The following RNF34 variants were observed in gnomAD, a reference collection of about 807,000 sequenced individuals.
RNF34 encodes the protein E3 ubiquitin-protein ligase RNF34.
Under a neutral mutation model 37.9 loss-of-function variants are expected in RNF34, and 12 were observed. That is an observed-to-expected ratio of 0.32 (90% confidence interval 0.20 to 0.51). The LOEUF (loss-of-function observed/expected upper bound fraction) is 0.51, where lower values mean the gene tolerates loss of function less well. Among genes scored for constraint, RNF34 ranks in the 20% least tolerant of loss-of-function variants. RNF34 has a pLI of 0.97. For missense variants in RNF34, 362 were observed against 472.7 expected (o/e 0.77, Z 2.17); for synonymous variants, 155 against 177.2 (o/e 0.87, Z 1.00).
intron 5 of RNF34, 50 bp downstream of exon 5, chr12:121,420,828 T>A: frequency 7.1e-7 from 1 of 1,411,206 alleles, no homozygotes; most frequent in Non-Finnish European, 1.0e-6. Context: ...CTTAGGCTTT[T>A]AAAAACTGGG....
At chr12:121,418,994 G>A (rs1341872814) in intron 3 of RNF34, among the ~76,000 whole-genome samples, 3 of 152,126 alleles carry the variant, frequency 2.0e-5, no homozygotes, top group Admixed American at 6.5e-5. Flanking sequence ...TGAGCCAACC[G>A]CGCCTGGCCA....
At chr12:121,403,148 G>A (rs996175777) in intron 1 of RNF34, among the ~76,000 whole-genome samples, 2 of 152,188 alleles carry the variant, frequency 1.3e-5, no homozygotes, top group Non-Finnish European at 2.9e-5. Context: ...TGTAGTCCCA[G>A]CACTTTGGGA....
At chr12:121,409,487 A>T (rs1870845109) in intron 1 of RNF34, 3 of 152,354 alleles carry the variant, frequency 2.0e-5, no homozygotes, top group Admixed American at 2.0e-4. Flanking sequence ...CCCAGCTGAA[A>T]CAGTGTAGGC....
At chr12:121,413,270 ACCTT>A (rs1259087190) in intron 1 of RNF34, among the ~76,000 whole-genome samples, 2 of 144,474 alleles carry the variant, frequency 1.4e-5, no homozygotes, top group Admixed American at 6.8e-5. Flanking sequence ...CAGGAGATCC[ACCTT>A]CCTTGGCCTC....
rs1555283065 is a variant in RNF34, at chr12:121,420,304, T to G, written c.696T>G (p.Asp232Glu). The change falls in exon 4 of 6, where the codon GAT (aspartate) becomes GAG (glutamate). Residue 232 changes from aspartate (D) to glutamate (E), a missense_variant. Coordinates refer to ENST00000361234, the MANE Select transcript of RNF34 (RefSeq NM_025126.4). ...EDDDDDDDEDDDDEEENAEDR... is the reference protein window; with the variant it reads ...EDDDDDDDEDEDDEEENAEDR... The stretch of plus-strand genomic sequence containing the variant: ...ATGATGACGACGATGATGAGGATGA[T>G]GATGATGAAGAAGAAAACGCAGAGG... The G allele has an allele frequency of 2.5e-6, 4 of 1,583,602 alleles. No individual in the cohort carries two copies. The South Asian group carries it at 3.4e-5, about 14-fold the overall frequency.
At chr12:121,421,250 A>G (rs1432694847) in intron 5 of RNF34, among the ~76,000 whole-genome samples, 1 of 151,886 alleles carries the variant, frequency 6.6e-6, no homozygotes, top group African/African-American at 2.4e-5. Flanking sequence ...AGAACTTCTG[A>G]ACTAGGCTGG....
chr12:121,406,003 C>A (rs1214597861), intron 1 of RNF34, among the ~76,000 whole-genome samples: 5 of 151,028 alleles, frequency 3.3e-5, no homozygotes, highest in Non-Finnish European at 7.4e-5. Context: ...CCATGTTAGC[C>A]AGGATGGTCT....
At position 121,400,232 on chromosome 12, in the gene RNF34, G is replaced by A; in HGVS notation, c.6+14G>A. 2 of 1,608,518 alleles carry A rather than the reference G, an allele frequency of 1.2e-6. No individual in the cohort carries two copies. Among genetic ancestry groups the A allele is most frequent in the Non-Finnish European group, 8.5e-7 (1 of 1,178,490 alleles). ...GCGGCCATGAAGGTGAGGGGCCGGT[G>A]GAGCCGGACAGACCCTCCTCGCCAA... On this transcript the variant is annotated intron_variant, in intron 1 of 5. Transcript: ENST00000361234.
Position 121,416,140 on chromosome 12 carries a change from G to T in RNF34, c.7-19G>T, listed in dbSNP as rs781851364. On this transcript the variant is annotated intron_variant, in intron 1 of 5. Transcript: ENST00000361234. The stretch of plus-strand genomic sequence containing the variant: ...GATTCCACTTAGCTTTAAACTGTGG[G>T]ATTTGTGTTCCTTTTTAGGCGGGTG... The T allele has an allele frequency of 2.7e-5, 44 of 1,606,714 alleles. No individual in the cohort carries two copies. The highest frequency in any genetic ancestry group is 3.6e-5 in the Non-Finnish European group (42 of 1,173,992).
At position 121,423,050 on chromosome 12, in the gene RNF34, T is replaced by C. The variant is rs192094523; in HGVS notation, c.929-336T>C. Among the ~76,000 whole-genome samples the C allele has an allele frequency of 1.2e-4, 19 of 152,344 alleles. No individual in the cohort carries two copies. The highest frequency in any genetic ancestry group is 6.8e-3 in the Middle Eastern group (2 of 294). On this transcript the variant is annotated intron_variant, in intron 5 of 5. Transcript: ENST00000361234. The surrounding 1 kb of genome is among the most constrained non-coding windows in gnomAD (Gnocchi z 4.3). ...CAAAGCCCATCTACAGAAGACCAGC[T>C]GAGGGTTTCTTTTTCTAGTTACAGA...
At chr12:121,414,688 T>C (rs1371611582) in intron 1 of RNF34, among the ~76,000 whole-genome samples, 1 of 152,188 alleles carries the variant, frequency 6.6e-6, no homozygotes, top group Non-Finnish European at 1.5e-5. Context: ...TTGTTGTTTT[T>C]TCGAGATGGA....
At chr12:121,419,164 C>T (rs1349132643) in intron 3 of RNF34, among the ~76,000 whole-genome samples, 1 of 152,124 alleles carries the variant, frequency 6.6e-6, no homozygotes, top group South Asian at 2.1e-4. Flanking sequence ...TTTATTGTAC[C>T]TTTTTTGTGT....
chr12:121,410,250 CT>C (rs1478002396), intron 1 of RNF34, among the ~76,000 whole-genome samples: 1 of 149,514 alleles, frequency 6.7e-6, no homozygotes, highest in Non-Finnish European at 1.5e-5. Flanking sequence ...TTCAAATATG[CT>C]GCATGGGGCT....
chr12:121,406,343 A>C (rs1420128355), intron 1 of RNF34, among the ~76,000 whole-genome samples: 1 of 146,734 alleles, frequency 6.8e-6, no homozygotes, highest in East Asian at 2.1e-4. Context: ...GCTGGAGTGC[A>C]GTGGCGTGAT....
Position 121,420,695 on chromosome 12 carries a change from A to G in RNF34, c.845A>G (p.Asn282Ser), listed in dbSNP as rs201019913. Residue 282 changes from asparagine to serine, a missense_variant, in exon 5 of 6, where the codon AAC becomes AGC. Physicochemically the swap from Asn to Ser is conservative, Grantham distance 46. Coordinates refer to ENST00000361234, the MANE Select transcript of RNF34 (RefSeq NM_025126.4). ...GAAATTCTGGCTCGGAATTTTGTCA[A>G]CTATTCTGGCTGTTGTGAAAAATGG... ...LKEILARNFV[N>S]YSGCCEKWEL... The G allele has an allele frequency of 3.7e-5, 59 of 1,614,210 alleles. 1 individual carries two copies. The highest frequency in any genetic ancestry group is 1.5e-4 in the Admixed American group (9 of 60,026).
intron 1 of RNF34, chr12:121,402,935 G>A: frequency 1.4e-6 from 1 of 691,084 alleles, no homozygotes; most frequent in African/African-American, 1.8e-5. Flanking sequence ...CAAATGGTAT[G>A]AGAGAAATAA....
chr12:121,421,435 C>T (rs1555283386), intron 5 of RNF34, among the ~76,000 whole-genome samples: 1 of 146,668 alleles, frequency 6.8e-6, no homozygotes, highest in African/African-American at 2.5e-5. Context: ...AGCCTGTGGT[C>T]CCAGCTACTT....
At chr12:121,410,274 C>T (rs1593657991) in intron 1 of RNF34, among the ~76,000 whole-genome samples, 1 of 151,810 alleles carries the variant, frequency 6.6e-6, no homozygotes, top group African/African-American at 2.4e-5. Context: ...CGTGGTGGCT[C>T]ATGCCTGTAA....
intron 1 of RNF34, among the ~76,000 whole-genome samples, chr12:121,412,453 C>CA (rs782438126): frequency 2.4e-4 from 37 of 151,810 alleles, no homozygotes; most frequent in Non-Finnish European, 4.4e-4. Flanking sequence ...CCGTGTCAGC[C>CA]AGGATGGTCT....
Sources: gnomAD v4.1 joint callset for allele counts (sites outside exome capture counted in the v4.1 genomes callset) on GRCh38, gnomAD v4.1.1 for gene constraint, Gnocchi (gnomAD v3.1) non-coding constraint, MANE v1.5 for transcripts, NCBI Gene and HGNC (gene_info 2026-07-23, HGNC 2026-07-21) for gene names.